The following TUNAR variants were observed in gnomAD, a reference collection of about 807,000 sequenced individuals.
TUNAR encodes the protein transmembrane neural differentiation associated intracellular calcium regulator, also known as protein TUNAR.
intron 2 of TUNAR, among the ~76,000 whole-genome samples, chr14:95,922,525 G>C (rs945057582): frequency 6.6e-6 from 1 of 152,224 alleles, no homozygotes; most frequent in Non-Finnish European, 1.5e-5. Flanking sequence ...AACAAAGTGG[G>C]TGATGCCCGG....
At chr14:95,917,736 T>C (rs1214224459) in intron 2 of TUNAR, among the ~76,000 whole-genome samples, 1 of 152,232 alleles carries the variant, frequency 6.6e-6, no homozygotes, top group Admixed American at 6.5e-5. Flanking sequence ...GATTTATTTC[T>C]GGGCACTTTA....
intron 2 of TUNAR, among the ~76,000 whole-genome samples, chr14:95,917,078 T>G (rs1476289200): frequency 6.6e-6 from 1 of 152,238 alleles, no homozygotes; most frequent in Non-Finnish European, 1.5e-5. Flanking sequence ...TTTAAGGTCA[T>G]CGAATTTCAT....
At chr14:95,901,643 C>T (rs1312126329) in intron 2 of TUNAR, among the ~76,000 whole-genome samples, 1 of 152,186 alleles carries the variant, frequency 6.6e-6, no homozygotes, top group Non-Finnish European at 1.5e-5. Context: ...GGAAAATGGG[C>T]AGATACTCAT....
chr14:95,921,717 G>A (rs979006540), intron 2 of TUNAR, among the ~76,000 whole-genome samples: 3 of 152,096 alleles, frequency 2.0e-5, no homozygotes, highest in African/African-American at 7.2e-5. Flanking sequence ...TGAGTTTTGC[G>A]CTAGTCACTT....
chr14:95,921,718 C>T (rs1889700146), intron 2 of TUNAR, among the ~76,000 whole-genome samples: 1 of 152,162 alleles, frequency 6.6e-6, no homozygotes, highest in Non-Finnish European at 1.5e-5. Context: ...GAGTTTTGCG[C>T]TAGTCACTTT....
At chr14:95,879,009 A>G (rs1888934145) in intron 2 of TUNAR, among the ~76,000 whole-genome samples, 1 of 152,214 alleles carries the variant, frequency 6.6e-6, no homozygotes, top group East Asian at 1.9e-4. Context: ...AGACTCTTCC[A>G]ACTGCATTGT....
intron 2 of TUNAR, among the ~76,000 whole-genome samples, chr14:95,880,857 C>T (rs1888968171): frequency 6.6e-6 from 1 of 152,172 alleles, no homozygotes; most frequent in African/African-American, 2.4e-5. Flanking sequence ...AGAAAGGAAC[C>T]ACCAGCCCTT....
At chr14:95,912,109 C>T (rs76191337) in intron 2 of TUNAR, among the ~76,000 whole-genome samples, 3,648 of 152,148 alleles carry the variant, frequency 0.024, 135 homozygotes, top group African/African-American at 0.082. Flanking sequence ...TCGTAGTCTT[C>T]GTAGTTTTAT....
At chr14:95,925,374 AAAAACAACCCT>A (rs2139676556) in exon 3 of TUNAR, 1 of 152,318 alleles carries the variant, frequency 6.6e-6, no homozygotes, top group South Asian at 2.1e-4. Flanking sequence ...CCTCCCCTGT[AAAAACAACCCT>A]GGGAACTCCC....
At chr14:95,890,830 G>A (rs1889167378) in intron 2 of TUNAR, among the ~76,000 whole-genome samples, 1 of 152,244 alleles carries the variant, frequency 6.6e-6, no homozygotes, top group African/African-American at 2.4e-5. Flanking sequence ...TTAATCAAAT[G>A]TAATTAAATT....
At chr14:95,897,387 C>G (rs1889285370) in intron 2 of TUNAR, among the ~76,000 whole-genome samples, 1 of 152,196 alleles carries the variant, frequency 6.6e-6, no homozygotes, top group Admixed American at 6.5e-5. Context: ...TTCTCCAGCA[C>G]CCTTGCACAG....
intron 2 of TUNAR, among the ~76,000 whole-genome samples, chr14:95,888,733 T>G (rs1475918013): frequency 1.3e-5 from 2 of 152,108 alleles, no homozygotes; most frequent in African/African-American, 4.8e-5. Context: ...TGATCGAGCC[T>G]CAGAAGTCAC....
Position 95,883,733 on chromosome 14 carries a change from G to A in TUNAR, c.12+6556G>A, listed in dbSNP as rs118168424. Among the ~76,000 whole-genome samples, 26 of 151,876 alleles carry A rather than the reference G, an allele frequency of 1.7e-4. No individual in the cohort carries two copies. The East Asian group carries it at 3.5e-3, about 20-fold the overall frequency. On this transcript the variant is annotated intron_variant, in intron 2 of 2. Transcript: ENST00000678517. ...CCTAGGGCCAAGCCACCCCCCCGCC[G>A]CCACTCTGACCCTTCACTGGTTTCA...
At chr14:95,884,349 A>C (rs1257667253) in intron 2 of TUNAR, among the ~76,000 whole-genome samples, 1 of 151,524 alleles carries the variant, frequency 6.6e-6, no homozygotes, top group Non-Finnish European at 1.5e-5. Flanking sequence ...CCTAGAACCC[A>C]CCCAGCTGCC....
At chr14:95,884,848 ATG>A (rs922780781) in intron 2 of TUNAR, among the ~76,000 whole-genome samples, 4 of 151,570 alleles carry the variant, frequency 2.6e-5, no homozygotes, top group African/African-American at 9.7e-5. Context: ...AGATGAAACA[ATG>A]TGGTCTGGAA....
rs569099601 is a variant in TUNAR, at chr14:95,891,341, C to T, written c.12+14164C>T. 5.3e-5 allele frequency among the ~76,000 whole-genome samples: 8 copies of T among 152,326 alleles called. No homozygotes were observed. In the South Asian group the frequency reaches 1.0e-3, roughly 20 times the overall value. On this transcript the variant is annotated intron_variant, in intron 2 of 2. Coordinates refer to ENST00000678517, the Ensembl canonical transcript of TUNAR. ...GTTGTGTTCATGACGTCAACTTTGACGGTTGATTCCTTTTTTGGAGAAAAC... is the reference window on the plus strand; with the variant it reads ...GTTGTGTTCATGACGTCAACTTTGATGGTTGATTCCTTTTTTGGAGAAAAC...
chr14:95,910,222 A>G (rs1889492301), intron 2 of TUNAR, among the ~76,000 whole-genome samples: 2 of 152,134 alleles, frequency 1.3e-5, no homozygotes, highest in African/African-American at 2.4e-5. Flanking sequence ...CTGTGTCTCT[A>G]GAATAGGGTC....
chr14:95,909,473 C>T (rs1184259877), intron 2 of TUNAR, among the ~76,000 whole-genome samples: 1 of 151,964 alleles, frequency 6.6e-6, no homozygotes, highest in Non-Finnish European at 1.5e-5. Context: ...TTAGTAGAGA[C>T]GGGGTTTCAC....
intron 2 of TUNAR, among the ~76,000 whole-genome samples, chr14:95,914,391 C>T (rs551557364): frequency 1.1e-4 from 16 of 152,274 alleles, no homozygotes; most frequent in Non-Finnish European, 1.3e-4. Context: ...TTTGTAGCAT[C>T]GTAAGTCATG....
Sources: gnomAD v4.1 joint callset for allele counts (sites outside exome capture counted in the v4.1 genomes callset) on GRCh38, gnomAD v4.1.1 for gene constraint, MANE v1.5 for transcripts, NCBI Gene and HGNC (gene_info 2026-07-23, HGNC 2026-07-21) for gene names.